The following OCA2 variants were observed in gnomAD, a reference collection of about 807,000 sequenced individuals.
The protein encoded by OCA2 is OCA2 melanosomal transmembrane protein.
Under a neutral mutation model 100.2 loss-of-function variants are expected in OCA2, and 77 were observed. The observed-to-expected ratio is 0.77, with a 90% CI of 0.64 to 0.93. OCA2 has a LOEUF of 0.93. Among genes scored for constraint, OCA2 ranks in the 40% least tolerant of loss-of-function variants. The pLI, the probability that OCA2 is intolerant of heterozygous loss-of-function variation, is 0.00. For synonymous variants in OCA2, 432 were observed against 439.2 expected, an observed-to-expected ratio of 0.98 and a Z score of 0.21; for missense variants, 1,062 against 1,089.1, an observed-to-expected ratio of 0.98 and a Z score of 0.35.
chr15:27,996,796 A>G (rs905864800), intron 9 of OCA2, among the ~76,000 whole-genome samples: 1 of 152,086 alleles, frequency 6.6e-6, no homozygotes, highest in Non-Finnish European at 1.5e-5. Context: ...TTGAAGCACT[A>G]ATCAAAAACC....
intron 18 of OCA2, among the ~76,000 whole-genome samples, chr15:27,948,215 C>T (rs1307462057): frequency 6.6e-6 from 1 of 152,134 alleles, no homozygotes; most frequent in Non-Finnish European, 1.5e-5. Flanking sequence ...GGGGGATTCT[C>T]ATTGTGCCAC....
At chr15:27,920,995 AT>A (rs201490000) in intron 19 of OCA2, among the ~76,000 whole-genome samples, 3 of 148,594 alleles carry the variant, frequency 2.0e-5, no homozygotes, top group East Asian at 3.0e-4. Flanking sequence ...GAAGAGAATA[AT>A]TTTTTTTAAA....
chr15:27,934,617 A>G (rs2039384085), intron 18 of OCA2, among the ~76,000 whole-genome samples: 1 of 152,246 alleles, frequency 6.6e-6, no homozygotes, highest in Non-Finnish European at 1.5e-5. Flanking sequence ...CAGTAAGAAC[A>G]CAAGTTCTTT....
intron 1 of OCA2, among the ~76,000 whole-genome samples, chr15:28,089,344 G>T (rs987242405): frequency 1.3e-5 from 2 of 152,178 alleles, no homozygotes; most frequent in Non-Finnish European, 2.9e-5. Context: ...GACAGGCATA[G>T]GAAATCACAA....
At position 28,027,902 on chromosome 15, in the gene OCA2, G is replaced by C; in HGVS notation, c.484C>G (p.Pro162Ala). ...TTGGAAAGACGGAGTCGGATGTGCG[G>C]GCTGTCCAGAAGGTCTCCCTTCTCG... ...SSEKGDLLDS[P>A]HIRLRLSKLR... is the part of the protein sequence containing the mutation. Residue 162 changes from proline to alanine, a missense_variant, in exon 4 of 24, where the codon CCG becomes GCG. By Grantham distance (27) the Pro-to-Ala change is conservative. Coordinates refer to ENST00000354638, the MANE Select transcript of OCA2 (RefSeq NM_000275.3). 6.2e-7 allele frequency: 1 copy of C among 1,613,688 alleles called. No homozygotes were observed.
intron 9 of OCA2, among the ~76,000 whole-genome samples, chr15:27,996,834 C>T (rs2041743398): frequency 6.6e-6 from 1 of 152,002 alleles, no homozygotes; most frequent in South Asian, 2.1e-4. Context: ...TCACCAATGG[C>T]TTCACAGGTA....
chr15:28,087,900 G>A (rs4778237), intron 1 of OCA2, among the ~76,000 whole-genome samples: 54,969 of 151,868 alleles, frequency 0.36, 13,709 homozygotes, highest in East Asian at 0.78. Flanking sequence ...CATCTCTATT[G>A]AAAATACAAA....
intron 5 of OCA2, among the ~76,000 whole-genome samples, chr15:28,023,393 C>T (rs774466799): frequency 7.2e-5 from 11 of 152,202 alleles, no homozygotes; most frequent in Non-Finnish European, 1.0e-4. Context: ...ACTTCGTACA[C>T]CACCCTGCTG....
chr15:27,793,406 T>A (rs202168241), intron 23 of OCA2, among the ~76,000 whole-genome samples: 2 of 147,968 alleles, frequency 1.4e-5, no homozygotes, highest in Non-Finnish European at 3.0e-5. Context: ...CTTCCACCAT[T>A]AAAAAAAAAA....
At chr15:27,851,294 T>C in intron 22 of OCA2, 88 bp downstream of exon 22, 1 of 1,099,460 alleles carries the variant, frequency 9.1e-7, no homozygotes, top group South Asian at 1.3e-5. Flanking sequence ...TTCATTTGCT[T>C]TTAATCTGAT....
intron 17 of OCA2, among the ~76,000 whole-genome samples, chr15:27,953,936 A>G (rs2040124198): frequency 6.6e-6 from 1 of 151,688 alleles, no homozygotes; most frequent in African/African-American, 2.4e-5. Flanking sequence ...CAAGTCCCCA[A>G]AGTCCATTAT....
intron 23 of OCA2, among the ~76,000 whole-genome samples, chr15:27,842,426 A>G (rs1189240052): frequency 6.6e-6 from 1 of 152,268 alleles, no homozygotes; most frequent in Non-Finnish European, 1.5e-5. Context: ...ACATTCTGCA[A>G]TGTGTATCAC....
At chr15:27,739,942 G>A in the OCA2 span, among the ~76,000 whole-genome samples, 2 of 152,166 alleles carry the variant, frequency 1.3e-5, no homozygotes, top group Non-Finnish European at 2.9e-5. Context: ...ACTCAGGGGT[G>A]CAGAGGTACA....
intron 18 of OCA2, among the ~76,000 whole-genome samples, chr15:27,932,161 T>C (rs2039276558): frequency 6.6e-6 from 1 of 152,102 alleles, no homozygotes; most frequent in African/African-American, 2.4e-5. Flanking sequence ...TGAGAGAAGG[T>C]TCCACAAAGG....
chr15:27,864,297 GAGC>G (rs1046807973), intron 21 of OCA2, among the ~76,000 whole-genome samples: 2 of 152,186 alleles, frequency 1.3e-5, no homozygotes, highest in African/African-American at 2.4e-5. Flanking sequence ...TGCAGAACCT[GAGC>G]TGCTAATAGT....
At chr15:27,931,031 A>G (rs1383269169) in intron 18 of OCA2, among the ~76,000 whole-genome samples, 1 of 152,152 alleles carries the variant, frequency 6.6e-6, no homozygotes, top group African/African-American at 2.4e-5. Flanking sequence ...CATTATAAGC[A>G]CTACAGAGCT....
At chr15:27,782,785 T>C (rs1210413624) in intron 23 of OCA2, among the ~76,000 whole-genome samples, 1 of 152,230 alleles carries the variant, frequency 6.6e-6, no homozygotes, top group Non-Finnish European at 1.5e-5. Flanking sequence ...TTTAATTTTT[T>C]TGCTCATTTA....
At chr15:27,951,256 G>A (rs191513868) in intron 18 of OCA2, among the ~76,000 whole-genome samples, 49 of 152,280 alleles carry the variant, frequency 3.2e-4, no homozygotes, top group African/African-American at 8.7e-4. Flanking sequence ...TGTGGTGAAC[G>A]TGGGAGAAGA....
chr15:27,971,690 C>A (rs2040798131), intron 14 of OCA2, among the ~76,000 whole-genome samples: 1 of 152,188 alleles, frequency 6.6e-6, no homozygotes, highest in South Asian at 2.1e-4. Context: ...ACTTTCCTCA[C>A]AACTTCCTGT....
Sources: allele counts gnomAD v4.1 joint callset (sites outside exome capture counted in the v4.1 genomes callset), GRCh38; gene constraint gnomAD v4.1.1; transcripts MANE v1.5; gene names NCBI Gene and HGNC (gene_info 2026-07-23, HGNC 2026-07-21).